The following KLHL1 variants were observed in gnomAD, a reference collection of about 807,000 sequenced individuals.
KLHL1 encodes the protein kelch-like protein 1.
A neutral mutation model predicts 77.7 loss-of-function variants in KLHL1; 47 were observed. The observed-to-expected ratio is 0.60, with a 90% CI of 0.48 to 0.77. The LOEUF (loss-of-function observed/expected upper bound fraction) is 0.77. Ranked by LOEUF, KLHL1 falls within the 30% of genes least tolerant of loss-of-function variation. KLHL1 has a pLI of 0.00. For missense variants in KLHL1, 925 were observed against 910.8 expected (o/e 1.02, Z -0.20); for synonymous variants, 360 against 325.2 (o/e 1.11, Z -1.15).
chr13:70,024,326 A>G (rs1047629407), intron 1 of KLHL1, among the ~76,000 whole-genome samples: 2 of 151,938 alleles, frequency 1.3e-5, no homozygotes, highest in South Asian at 2.1e-4. Context: ...CATGATAACC[A>G]TAACACTTCT....
intron 3 of KLHL1, among the ~76,000 whole-genome samples, chr13:69,949,904 T>C (rs1262764615): frequency 6.6e-6 from 1 of 151,702 alleles, no homozygotes; most frequent in East Asian, 1.9e-4. Flanking sequence ...TTTGTACCTC[T>C]TTATTGGCAC....
At chr13:70,039,588 T>G (rs528440669) in intron 1 of KLHL1, among the ~76,000 whole-genome samples, 1 of 152,048 alleles carries the variant, frequency 6.6e-6, no homozygotes, top group African/African-American at 2.4e-5. Flanking sequence ...TTTTCTCTGA[T>G]TTTTATTTCT....
intron 4 of KLHL1, among the ~76,000 whole-genome samples, chr13:69,902,311 G>C (rs1447715797): frequency 6.6e-6 from 1 of 152,084 alleles, no homozygotes; most frequent in Non-Finnish European, 1.5e-5. Flanking sequence ...ATTCTCATGA[G>C]GTAGAGAAGG....
chr13:69,907,633 G>A (rs1882087341), intron 4 of KLHL1, among the ~76,000 whole-genome samples: 1 of 151,844 alleles, frequency 6.6e-6, no homozygotes, highest in Non-Finnish European at 1.5e-5. Context: ...GGGAAAAATT[G>A]GAGAGGATAG....
chr13:69,833,537 A>T (rs753218046), intron 6 of KLHL1, among the ~76,000 whole-genome samples: 6 of 151,954 alleles, frequency 3.9e-5, no homozygotes, highest in Non-Finnish European at 7.4e-5. Context: ...CACTATATAA[A>T]AAACAGTATG....
intron 6 of KLHL1, among the ~76,000 whole-genome samples, chr13:69,800,091 A>G (rs757944114): frequency 2.0e-5 from 3 of 152,186 alleles, no homozygotes; most frequent in African/African-American, 2.4e-5. Context: ...CCTGGTGCCC[A>G]AAAAGTTGGG....
At chr13:69,976,875 T>A (rs1884559551) in intron 1 of KLHL1, among the ~76,000 whole-genome samples, 1 of 152,064 alleles carries the variant, frequency 6.6e-6, no homozygotes, top group African/African-American at 2.4e-5. Context: ...TTAATTAGAG[T>A]CATCTCAAAA....
chr13:69,717,814 A>C (rs1872837740), intron 9 of KLHL1, among the ~76,000 whole-genome samples: 1 of 152,068 alleles, frequency 6.6e-6, no homozygotes. Context: ...GCATAAACCT[A>C]TTTATTAGGA....
intron 4 of KLHL1, among the ~76,000 whole-genome samples, chr13:69,909,184 G>T (rs1370498651): frequency 2.0e-5 from 3 of 151,506 alleles, no homozygotes; most frequent in Non-Finnish European, 2.9e-5. Flanking sequence ...AGAGAAAGTG[G>T]AATATATTTG....
intron 1 of KLHL1, among the ~76,000 whole-genome samples, chr13:70,038,450 G>C (rs923163374): frequency 3.9e-5 from 6 of 152,070 alleles, no homozygotes; most frequent in African/African-American, 1.4e-4. Context: ...TGTGCTAAGA[G>C]TATATTTACT....
intron 6 of KLHL1, among the ~76,000 whole-genome samples, chr13:69,825,921 G>T (rs1056148629): frequency 1.3e-5 from 2 of 152,120 alleles, no homozygotes; most frequent in Admixed American, 1.3e-4. Flanking sequence ...TAATGACCTT[G>T]TATTGAATTA....
At chr13:69,836,844 C>A (rs1879010686) in intron 6 of KLHL1, among the ~76,000 whole-genome samples, 1 of 148,374 alleles carries the variant, frequency 6.7e-6, no homozygotes, top group African/African-American at 2.6e-5. Context: ...AAACAATGCT[C>A]AAGAAACTGC....
chr13:69,991,914 C>G (rs74764726), intron 1 of KLHL1, among the ~76,000 whole-genome samples: 1 of 152,004 alleles, frequency 6.6e-6, no homozygotes, highest in Non-Finnish European at 1.5e-5. Context: ...CACTTCTGCA[C>G]AAAATGTACT....
chr13:69,927,172 TACAC>T (rs1423968992), intron 4 of KLHL1, among the ~76,000 whole-genome samples: 3 of 152,162 alleles, frequency 2.0e-5, no homozygotes, highest in South Asian at 2.1e-4. Flanking sequence ...CATGTGCTGT[TACAC>T]ACGCAAAATG....
At chr13:70,043,125 G>T (rs142553856) in intron 1 of KLHL1, among the ~76,000 whole-genome samples, 1 of 151,998 alleles carries the variant, frequency 6.6e-6, no homozygotes, top group Admixed American at 6.6e-5. Context: ...GGCTGATCTC[G>T]AACTCCCGAC....
chr13:69,746,397 G>A (rs1874214450), intron 7 of KLHL1, among the ~76,000 whole-genome samples: 1 of 151,688 alleles, frequency 6.6e-6, no homozygotes, highest in South Asian at 2.1e-4. Context: ...ATTTAGTAAT[G>A]CTTACTGCTC....
intron 1 of KLHL1, among the ~76,000 whole-genome samples, chr13:69,985,113 A>G (rs1167181974): frequency 6.7e-6 from 1 of 148,798 alleles, no homozygotes; most frequent in Non-Finnish European, 1.5e-5. Context: ...CTCTGTCTCA[A>G]AACAGACAAA....
intron 6 of KLHL1, among the ~76,000 whole-genome samples, chr13:69,814,966 G>A (rs1007930022): frequency 3.1e-4 from 47 of 151,990 alleles, no homozygotes; most frequent in African/African-American, 1.0e-3. Flanking sequence ...AGCCGAGATC[G>A]CACCACTGCA....
intron 4 of KLHL1, among the ~76,000 whole-genome samples, chr13:69,895,336 C>T (rs906069584): frequency 1.3e-5 from 2 of 152,110 alleles, no homozygotes; most frequent in African/African-American, 2.4e-5. Context: ...CCTCCAGTAT[C>T]ATGACCCCCA....
Sources: allele counts gnomAD v4.1 joint callset (sites outside exome capture counted in the v4.1 genomes callset), GRCh38; gene constraint gnomAD v4.1.1; transcripts MANE v1.5; gene names NCBI Gene and HGNC (gene_info 2026-07-23, HGNC 2026-07-21).